The following ADAMTSL1 variants were observed in gnomAD, a reference collection of about 807,000 sequenced individuals.
ADAMTSL1 encodes the protein ADAMTS like 1, also known as ADAMTS-like protein 1.
ADAMTSL1 carries 126 observed loss-of-function variants against 201.8 expected under a neutral mutation model. The observed-to-expected ratio is 0.62, with a 90% CI of 0.54 to 0.72. ADAMTSL1 has a LOEUF of 0.72. ADAMTSL1 is among the 30% of genes least tolerant of loss of function. The probability of loss-of-function intolerance (pLI) is 0.00; values close to 1 mark genes in which losing one functional copy is unlikely to be tolerated. For missense variants in ADAMTSL1, 2,679 were observed against 2,277.8 expected (o/e 1.18, Z -3.59); for synonymous variants, 1,121 against 903.4 (o/e 1.24, Z -4.32).
chr9:18,247,206 C>T (rs1221571925), intron 2 of ADAMTSL1, among the ~76,000 whole-genome samples: 7 of 151,928 alleles, frequency 4.6e-5, no homozygotes, highest in African/African-American at 1.5e-4. Flanking sequence ...ATCCCATGTC[C>T]TAATATTAAT....
At chr9:17,967,910 T>C (rs1203598175) in intron 1 of ADAMTSL1, among the ~76,000 whole-genome samples, 1 of 152,130 alleles carries the variant, frequency 6.6e-6, no homozygotes, top group East Asian at 1.9e-4. Context: ...GACTTTGTAT[T>C]TGCCAATAGA....
intron 13 of ADAMTSL1, among the ~76,000 whole-genome samples, chr9:18,691,219 T>C (rs1003325044): frequency 2.0e-5 from 3 of 152,208 alleles, no homozygotes; most frequent in African/African-American, 7.2e-5. Context: ...CAGAATTGCA[T>C]CTACCTCTAA....
chr9:17,919,220 A>C (rs980827698), intron 1 of ADAMTSL1, among the ~76,000 whole-genome samples: 5 of 151,856 alleles, frequency 3.3e-5, no homozygotes, highest in African/African-American at 1.2e-4. Flanking sequence ...TAGTGAGCCA[A>C]GTAGTACATT....
chr9:18,829,819 G>A, intron 22 of ADAMTSL1, 24 bp from the exon 23 acceptor site: 2 of 1,613,602 alleles, frequency 1.2e-6, no homozygotes, highest in Non-Finnish European at 1.7e-6. Context: ...TAACCTGCCT[G>A]ATCCACCCTC....
chr9:17,949,241 A>C (rs1184967104), intron 1 of ADAMTSL1, among the ~76,000 whole-genome samples: 2 of 152,214 alleles, frequency 1.3e-5, no homozygotes, highest in Non-Finnish European at 2.9e-5. Flanking sequence ...CATGGAGCCC[A>C]GAGGCTCAGT....
chr9:17,942,605 G>A (rs1056988393), intron 1 of ADAMTSL1, among the ~76,000 whole-genome samples: 2 of 152,058 alleles, frequency 1.3e-5, no homozygotes, highest in Non-Finnish European at 2.9e-5. Flanking sequence ...TTGTACTTTG[G>A]CCTGCACCAA....
At chr9:18,026,286 G>A (rs1252161218) in intron 1 of ADAMTSL1, among the ~76,000 whole-genome samples, 4 of 152,042 alleles carry the variant, frequency 2.6e-5, no homozygotes, top group Non-Finnish European at 2.9e-5. Context: ...TCTTCTTTCA[G>A]TTCTTAAGGG....
At chr9:17,908,892 C>T (rs1485607195) in intron 1 of ADAMTSL1, among the ~76,000 whole-genome samples, 1 of 152,068 alleles carries the variant, frequency 6.6e-6, no homozygotes, top group Non-Finnish European at 1.5e-5. Context: ...TGAGGACTCG[C>T]CACACTGACT....
chr9:18,294,419 G>A (rs776253481), intron 2 of ADAMTSL1, among the ~76,000 whole-genome samples: 1 of 152,216 alleles, frequency 6.6e-6, no homozygotes, highest in Non-Finnish European at 1.5e-5. Flanking sequence ...GGAGTGAAGA[G>A]AGCCAAAATC....
At chr9:18,483,397 T>C (rs892108456) in intron 1 of ADAMTSL1, among the ~76,000 whole-genome samples, 8 of 152,182 alleles carry the variant, frequency 5.3e-5, no homozygotes, top group Non-Finnish European at 4.4e-5. Context: ...TCCTGTATTA[T>C]ACTGTGTGGC....
At chr9:18,508,913 G>A (rs868336932) in intron 2 of ADAMTSL1, among the ~76,000 whole-genome samples, 2 of 142,124 alleles carry the variant, frequency 1.4e-5, no homozygotes, top group Non-Finnish European at 1.5e-5. Context: ...GGCCGGGCGC[G>A]GTGGCTCACG....
At chr9:18,399,442 C>T (rs540645509) in intron 2 of ADAMTSL1, among the ~76,000 whole-genome samples, 50 of 150,990 alleles carry the variant, frequency 3.3e-4, no homozygotes, top group East Asian at 1.2e-3. Flanking sequence ...CGGGTTCAAG[C>T]GATTCTCTTG....
intron 2 of ADAMTSL1, among the ~76,000 whole-genome samples, chr9:18,181,291 C>G (rs1212904736): frequency 6.6e-6 from 1 of 152,308 alleles, no homozygotes; most frequent in South Asian, 2.1e-4. Context: ...CAAATGGGAT[C>G]TCATTAAACT....
chr9:18,044,219 T>C (rs931059142), intron 1 of ADAMTSL1, among the ~76,000 whole-genome samples: 2 of 151,798 alleles, frequency 1.3e-5, no homozygotes, highest in African/African-American at 4.8e-5. Context: ...ACCAAACAGA[T>C]GGTCAGAAAA....
At position 18,890,273 on chromosome 9, in the gene ADAMTSL1, C is replaced by G. The variant is rs185187672; in HGVS notation, c.4643+525C>G. ...CTAAAGTTGGAATAAATCTCTGTTTCTGACAGTAGCCTCATGCTCTGCATT... is the reference window on the plus strand; with the variant it reads ...CTAAAGTTGGAATAAATCTCTGTTTGTGACAGTAGCCTCATGCTCTGCATT... On this transcript the variant is annotated intron_variant, in intron 25 of 28. Coordinates refer to ENST00000380548, the MANE Select transcript of ADAMTSL1 (RefSeq NM_001040272.6). Among the ~76,000 whole-genome samples the G allele has an allele frequency of 9.2e-5, 14 of 152,316 alleles. No individual in the cohort carries two copies. The East Asian group carries it at 2.7e-3, about 29-fold the overall frequency.
At chr9:18,858,555 T>C (rs1230470815) in intron 23 of ADAMTSL1, among the ~76,000 whole-genome samples, 6 of 152,222 alleles carry the variant, frequency 3.9e-5, no homozygotes, top group African/African-American at 7.2e-5. Flanking sequence ...AGAAACCCTA[T>C]TGTTTCCAGG....
At chr9:18,802,461 A>G (rs555668009) in intron 20 of ADAMTSL1, among the ~76,000 whole-genome samples, 65 of 152,356 alleles carry the variant, frequency 4.3e-4, no homozygotes, top group Non-Finnish European at 7.2e-4. Flanking sequence ...TTATATAATT[A>G]GAATCATACA....
chr9:18,146,077 T>A (rs1025097998), intron 1 of ADAMTSL1, among the ~76,000 whole-genome samples: 1 of 152,116 alleles, frequency 6.6e-6, no homozygotes, highest in Non-Finnish European at 1.5e-5. Flanking sequence ...AACTAGTCAA[T>A]ATTAATTGTT....
intron 2 of ADAMTSL1, among the ~76,000 whole-genome samples, chr9:18,202,766 C>T (rs1829502347): frequency 1.3e-5 from 2 of 152,162 alleles, no homozygotes; most frequent in African/African-American, 4.8e-5. Flanking sequence ...AGGATAGTGT[C>T]TTCTTTGTTT....
Sources: allele counts gnomAD v4.1 joint callset (sites outside exome capture counted in the v4.1 genomes callset), GRCh38; gene constraint gnomAD v4.1.1; transcripts MANE v1.5; gene names NCBI Gene and HGNC (gene_info 2026-07-23, HGNC 2026-07-21).